Variants in SUCLG2 observed in about 807,000 individuals in gnomAD.
The protein encoded by SUCLG2 is succinate-CoA ligase GDP-forming subunit beta, also known as succinate--CoA ligase [GDP-forming] subunit beta, mitochondrial.
SUCLG2 carries 42 observed loss-of-function variants against 47.9 expected under a neutral mutation model. The ratio of observed to expected loss-of-function variants is 0.88; its 90% CI spans 0.69 to 1.14. SUCLG2 has a LOEUF of 1.14. Ranked by LOEUF, SUCLG2 falls within the 50% of genes most tolerant of loss-of-function variation. SUCLG2 has a pLI of 0.00. For missense variants in SUCLG2, 571 were observed against 525.9 expected, an observed-to-expected ratio of 1.09 and a Z score of -0.84; for synonymous variants, 195 against 197.3, an observed-to-expected ratio of 0.99 and a Z score of 0.10.
At chr3:67,618,038 T>C (rs1700661685) in intron 1 of SUCLG2, among the ~76,000 whole-genome samples, 1 of 152,226 alleles carries the variant, frequency 6.6e-6, no homozygotes, top group South Asian at 2.1e-4. Flanking sequence ...GGAATTTCTA[T>C]ACTTGAATCA....
At chr3:67,476,698 C>T (rs1575722509) in intron 9 of SUCLG2, among the ~76,000 whole-genome samples, 1 of 152,228 alleles carries the variant, frequency 6.6e-6, no homozygotes, top group Non-Finnish European at 1.5e-5. Flanking sequence ...TGGTTGGGAA[C>T]TAATAATGTA....
At chr3:67,630,094 G>T (rs1700900495) in intron 1 of SUCLG2, among the ~76,000 whole-genome samples, 1 of 151,872 alleles carries the variant, frequency 6.6e-6, no homozygotes, top group Non-Finnish European at 1.5e-5. Context: ...TCAGAGAAAT[G>T]TATTATGAGG....
At position 67,568,468 on chromosome 3, in the gene SUCLG2, C is replaced by A. The variant is rs146546891; in HGVS notation, c.227-39282G>T. The stretch of plus-strand genomic sequence containing the variant: ...AAAACGTGAGAAAATGAATGTTTTC[C>A]ATCCTGGTCTTAAAGAAAACTTAAG... On this transcript the variant is annotated intron_variant, in intron 2 of 10. Coordinates refer to ENST00000307227, the MANE Select transcript of SUCLG2 (RefSeq NM_003848.4). Among the ~76,000 whole-genome samples the A allele has an allele frequency of 4.6e-5, 7 of 152,224 alleles. No individual in the cohort carries two copies. The East Asian group carries it at 7.7e-4, about 17-fold the overall frequency.
chr3:67,360,665 AT>A lies in SUCLG2; in HGVS notation c.1286del (p.Asn429IlefsTer2). Reference sequence around the variant, plus strand: ...AAATGCTGATGGCACACTTACTCAGATTTTGGTGGGCGACGTTCTCTTGGAT... The same window carrying A: ...AAATGCTGATGGCACACTTACTCAGATTTGGTGGGCGACGTTCTCTTGGAT... On this transcript the variant is annotated frameshift_variant, in exon 11 of 11. Transcript: ENST00000493112. LOFTEE classifies it high-confidence loss of function. 1 of 1,520,142 alleles carries A rather than the reference AT, an allele frequency of 6.6e-7. No homozygotes were observed. The highest frequency in any genetic ancestry group is 8.8e-7 in the Non-Finnish European group (1 of 1,137,006). The allele number at this position is 1,520,142 out of a possible 1,614,324, so 94.2% of individuals were successfully genotyped here. A position where few individuals can be genotyped will look rare whatever the true frequency, so the allele number is the denominator to read the frequency against.
rs530398213 is a variant in SUCLG2, at chr3:67,559,397, G to A, written c.227-30211C>T. On this transcript the variant is annotated intron_variant, in intron 2 of 10. Coordinates refer to ENST00000307227, the MANE Select transcript of SUCLG2 (RefSeq NM_003848.4). ...AGGAAACTTACAATCATGGCAGAAG[G>A]TGAAGGAGAAGCAAATACCTTCTTC... Among the ~76,000 whole-genome samples, 27 of 152,280 alleles carry A rather than the reference G, an allele frequency of 1.8e-4. No individual in the cohort carries two copies. In the East Asian group the frequency reaches 5.2e-3, roughly 29 times the overall value.
intron 2 of SUCLG2, among the ~76,000 whole-genome samples, chr3:67,559,897 G>A (rs1707263439): frequency 6.6e-6 from 1 of 151,046 alleles, no homozygotes; most frequent in Non-Finnish European, 1.5e-5. Flanking sequence ...ATGTGTCAAT[G>A]TAGGTTCATC....
At chr3:67,581,964 T>G (rs192690882) in intron 2 of SUCLG2, among the ~76,000 whole-genome samples, 59 of 152,314 alleles carry the variant, frequency 3.9e-4, no homozygotes, top group African/African-American at 1.4e-3. Context: ...AATATTAACT[T>G]ACAATACCCA....
chr3:67,577,687 T>C (rs990337861), intron 2 of SUCLG2, among the ~76,000 whole-genome samples: 4 of 152,154 alleles, frequency 2.6e-5, no homozygotes, highest in Non-Finnish European at 5.9e-5. Context: ...CCCTGGATCC[T>C]TTTCCTCAAA....
At chr3:67,418,368 T>C (rs550330673) in intron 9 of SUCLG2, among the ~76,000 whole-genome samples, 1 of 152,312 alleles carries the variant, frequency 6.6e-6, no homozygotes, top group South Asian at 2.1e-4. Context: ...CCATTATTTT[T>C]AGAGACAGGA....
chr3:67,541,389 CA>C (rs1161413994), intron 2 of SUCLG2, among the ~76,000 whole-genome samples: 8 of 152,094 alleles, frequency 5.3e-5, no homozygotes, highest in African/African-American at 1.9e-4. Flanking sequence ...GAAGGATACA[CA>C]AGTATCAATA....
chr3:67,439,415 A>G (rs1703703686), intron 9 of SUCLG2, among the ~76,000 whole-genome samples: 1 of 152,204 alleles, frequency 6.6e-6, no homozygotes, highest in African/African-American at 2.4e-5. Flanking sequence ...AATAAAGGGT[A>G]TTCAAATAGG....
intron 2 of SUCLG2, among the ~76,000 whole-genome samples, chr3:67,567,463 T>G (rs114675051): frequency 0.025 from 3,742 of 151,082 alleles, 68 homozygotes; most frequent in Middle Eastern, 0.051. Context: ...ACCTGGCTAG[T>G]TTTTTTCGTT....
chr3:67,493,927 T>A (rs1048777668), intron 9 of SUCLG2, among the ~76,000 whole-genome samples: 2 of 152,234 alleles, frequency 1.3e-5, no homozygotes, highest in Non-Finnish European at 2.9e-5. Flanking sequence ...TTTTTGCGAA[T>A]ACCTTCCTTA....
chr3:67,395,042 C>T (rs1269946094), intron 10 of SUCLG2, among the ~76,000 whole-genome samples: 1 of 152,010 alleles, frequency 6.6e-6, no homozygotes, highest in Non-Finnish European at 1.5e-5. Context: ...TGGAAAGGAA[C>T]AACCGGTACC....
At chr3:67,566,460 T>A (rs541397058) in intron 2 of SUCLG2, among the ~76,000 whole-genome samples, 2 of 152,306 alleles carry the variant, frequency 1.3e-5, no homozygotes. Flanking sequence ...TAAATCTATA[T>A]GAAAATAGTC....
intron 9 of SUCLG2, among the ~76,000 whole-genome samples, chr3:67,423,993 G>C (rs79032144): frequency 6.6e-6 from 1 of 152,176 alleles, no homozygotes; most frequent in East Asian, 1.9e-4. Context: ...CATATGTTTG[G>C]TGGAAAATCA....
chr3:67,591,679 C>A (rs1708170317), intron 2 of SUCLG2, among the ~76,000 whole-genome samples: 1 of 152,118 alleles, frequency 6.6e-6, no homozygotes, highest in Admixed American at 6.6e-5. Flanking sequence ...ACTGTAAGTC[C>A]AATTAAATCT....
At chr3:67,367,679 C>T (rs1353723955) in intron 10 of SUCLG2, among the ~76,000 whole-genome samples, 2 of 152,136 alleles carry the variant, frequency 1.3e-5, no homozygotes, top group African/African-American at 2.4e-5. Context: ...AGGAGTGTCT[C>T]CAGTTTCAAC....
intron 4 of SUCLG2, among the ~76,000 whole-genome samples, chr3:67,527,730 AAAC>A (rs1706292295): frequency 6.6e-6 from 1 of 152,178 alleles, no homozygotes; most frequent in Non-Finnish European, 1.5e-5. Flanking sequence ...GCATTTAGAA[AAAC>A]AACCACAATA....
Sources: allele counts gnomAD v4.1 joint callset (sites outside exome capture counted in the v4.1 genomes callset), GRCh38; gene constraint gnomAD v4.1.1; transcripts MANE v1.5; gene names NCBI Gene and HGNC (gene_info 2026-07-23, HGNC 2026-07-21).